The following KAT6A variants were observed in gnomAD, a reference collection of about 807,000 sequenced individuals.
The protein encoded by KAT6A is lysine acetyltransferase 6A.
In KAT6A, 9 loss-of-function variants were observed where a neutral mutation model predicts 198.4. The ratio of observed to expected loss-of-function variants is 0.05; its 90% CI spans 0.03 to 0.08. The LOEUF (loss-of-function observed/expected upper bound fraction) is 0.08. KAT6A is among the 10% of genes least tolerant of loss of function. The pLI is 1.00. For missense variants in KAT6A, 2,077 were observed against 2,509.9 expected (o/e 0.83, Z 3.69); for synonymous variants, 890 against 883.0 (o/e 1.01, Z -0.14).
At chr8:42,024,445 T>C (rs1332566412) in intron 2 of KAT6A, among the ~76,000 whole-genome samples, 2 of 152,258 alleles carry the variant, frequency 1.3e-5, no homozygotes, top group Admixed American at 1.3e-4. Flanking sequence ...TCATTTGTGT[T>C]GGTTAACACT....
intron 2 of KAT6A, among the ~76,000 whole-genome samples, chr8:42,007,216 G>C (rs1323028378): frequency 6.6e-6 from 1 of 152,090 alleles, no homozygotes; most frequent in African/African-American, 2.4e-5. Flanking sequence ...CCTCAACATA[G>C]AGTAGTGCTG....
At chr8:41,935,932 T>C (rs1263460819) in intron 16 of KAT6A, among the ~76,000 whole-genome samples, 2 of 152,260 alleles carry the variant, frequency 1.3e-5, no homozygotes, top group Admixed American at 6.5e-5. Flanking sequence ...TCATTCATGA[T>C]AGAGCAAAGA....
chr8:42,041,695 G>C (rs983835505), intron 2 of KAT6A, among the ~76,000 whole-genome samples: 3 of 151,216 alleles, frequency 2.0e-5, no homozygotes, highest in Admixed American at 2.0e-4. Flanking sequence ...CTGAAACTGG[G>C]CCACCGCACT....
At chr8:41,938,846 C>T (rs931874108) in intron 15 of KAT6A, among the ~76,000 whole-genome samples, 2 of 150,356 alleles carry the variant, frequency 1.3e-5, no homozygotes, top group African/African-American at 2.5e-5. Flanking sequence ...ATTCAAGAGG[C>T]TGAGGTGGGA....
chr8:41,957,182 T>C lies in KAT6A; in HGVS notation c.1483-1771A>G, dbSNP rs373397123. ...GCACATCACCACAACTGCGCACGTC[T>C]GTCCAGAATGGGACCTGTGGTAGGT... On this transcript the variant is annotated intron_variant, in intron 8 of 16. Transcript: ENST00000265713. 1,042 of 590,732 alleles carry C rather than the reference T, an allele frequency of 1.8e-3. 16 individuals are homozygous for C. The highest frequency in any genetic ancestry group is 0.016 in the Admixed American group (872 of 53,248). 36.6% of individuals were successfully genotyped at this position (590,732 alleles called of 1,614,324 possible). A position where few individuals can be genotyped will look rare whatever the true frequency, so the allele number is the denominator to read the frequency against.
chr8:41,975,335 G>A (rs1164039431), intron 7 of KAT6A, among the ~76,000 whole-genome samples: 1 of 152,006 alleles, frequency 6.6e-6, no homozygotes, highest in Non-Finnish European at 1.5e-5. Context: ...AATCATCTGG[G>A]TAAATATGAA....
intron 3 of KAT6A, among the ~76,000 whole-genome samples, chr8:41,983,892 T>C (rs1163308055): frequency 2.0e-5 from 3 of 152,234 alleles, no homozygotes; most frequent in Non-Finnish European, 2.9e-5. Context: ...ACACTTTTCA[T>C]AGGCTCAACT....
At chr8:41,982,988 A>G (rs1824434930) in intron 3 of KAT6A, among the ~76,000 whole-genome samples, 1 of 152,226 alleles carries the variant, frequency 6.6e-6, no homozygotes, top group Non-Finnish European at 1.5e-5. Context: ...GTATATAATA[A>G]AAATACCATC....
intron 2 of KAT6A, among the ~76,000 whole-genome samples, chr8:41,999,576 T>C (rs1445259131): frequency 6.6e-6 from 1 of 152,188 alleles, no homozygotes; most frequent in Non-Finnish European, 1.5e-5. Flanking sequence ...TCAAAACTTA[T>C]AAAATATATC....
At chr8:42,009,409 T>A (rs1180138737) in intron 2 of KAT6A, among the ~76,000 whole-genome samples, 1 of 151,126 alleles carries the variant, frequency 6.6e-6, no homozygotes, top group Non-Finnish European at 1.5e-5. Flanking sequence ...ACAGCACCAC[T>A]GTGCTAGGTG....
intron 2 of KAT6A, among the ~76,000 whole-genome samples, chr8:42,001,641 G>A (rs770192342): frequency 1.3e-5 from 2 of 152,208 alleles, no homozygotes; most frequent in Non-Finnish European, 2.9e-5. Flanking sequence ...AGAGGGAAGA[G>A]ACACACCCAA....
At chr8:41,972,869 C>T (rs985329150) in intron 8 of KAT6A, among the ~76,000 whole-genome samples, 1 of 152,184 alleles carries the variant, frequency 6.6e-6, no homozygotes, top group African/African-American at 2.4e-5. Context: ...TTCTTTCAGT[C>T]AGGAAGAACA....
chr8:42,025,014 A>C (rs760533327), intron 2 of KAT6A, among the ~76,000 whole-genome samples: 5 of 152,152 alleles, frequency 3.3e-5, no homozygotes, highest in Non-Finnish European at 7.3e-5. Context: ...TTTTTGAGAA[A>C]TCTCCATACT....
In KAT6A at chr8:41,930,858, C is replaced by G. The variant is rs1163546895; in HGVS notation, c.*1347G>C. The G allele has an allele frequency of 4.8e-6, 1 of 207,750 alleles. No homozygotes were observed. Among genetic ancestry groups the G allele is most frequent in the African/African-American group, 2.3e-5 (1 of 43,144 alleles). 12.9% of individuals were successfully genotyped at this position (207,750 alleles called of 1,614,324 possible). A position where few individuals can be genotyped will look rare whatever the true frequency, so the allele number is the denominator to read the frequency against. On this transcript the variant is annotated 3_prime_UTR_variant, in exon 17 of 17. Coordinates refer to ENST00000265713, the MANE Select transcript of KAT6A (RefSeq NM_006766.5). ...ACACATGAACTTGCGTTATAACATT[C>G]TGCTGTCCAGATCTGCCCTACTGTG...
chr8:41,992,449 T>C (rs1824994149), intron 2 of KAT6A, among the ~76,000 whole-genome samples: 1 of 152,186 alleles, frequency 6.6e-6, no homozygotes, highest in Admixed American at 6.5e-5. Context: ...ACAAATGTAA[T>C]AAAAGAGATT....
rs1473094628 is a variant in KAT6A at position 41,934,250 on chromosome 8, G to C, written c.3970C>G (p.Leu1324Val). 1.9e-6 allele frequency: 3 copies of C among 1,613,984 alleles called. 1 individual carries two copies. The highest frequency in any genetic ancestry group is 3.3e-5 in the Admixed American group (2 of 59,990). ...HDADDEDDGH[L>V]ESTKKKELEE... ...AGCTCCTTTTTCTTTGTGGACTCCA[G>C]GTGGCCATCATCCTCATCATCAGCG... Residue 1324 changes from leucine (L) to valine (V), a missense_variant, in exon 17 of 17, where the codon CTG becomes GTG. This residue lies in a region of KAT6A where 375 missense variants were observed against 383.0 expected (regional missense o/e 0.98). Transcript: ENST00000265713.
intron 12 of KAT6A, among the ~76,000 whole-genome samples, chr8:41,945,620 GTA>G (rs1354849032): frequency 1.3e-5 from 2 of 151,942 alleles, no homozygotes; most frequent in East Asian, 3.9e-4. Context: ...AATGTTTTTA[GTA>G]TTATTAGTAT....
chr8:41,941,356 C>G lies in KAT6A; in HGVS notation c.2525G>C (p.Ser842Thr), dbSNP rs1271072466. 4 of 1,612,442 alleles carry G rather than the reference C, an allele frequency of 2.5e-6. No homozygotes were observed. The highest frequency in any genetic ancestry group is 3.3e-5 in the Admixed American group (2 of 60,010). ...EKKPEVMAPV[S>T]STRLSKQVLP... ...GACTTGTTTGCTCAAACGTGTAGAA[C>G]TGACTGGAGCCATAACTTCTGGTTT... The change falls in exon 15 of 17, where the codon AGT becomes ACT. Residue 842 changes from serine (S) to threonine (T), a missense_variant. Coordinates refer to ENST00000265713, the MANE Select transcript of KAT6A (RefSeq NM_006766.5).
chr8:42,042,579 TAA>T (rs1827719335), intron 2 of KAT6A, among the ~76,000 whole-genome samples: 1 of 152,174 alleles, frequency 6.6e-6, no homozygotes, highest in African/African-American at 2.4e-5. Context: ...TGGACTCTAC[TAA>T]GAGTTGACCA....
Sources: allele counts gnomAD v4.1 joint callset (sites outside exome capture counted in the v4.1 genomes callset), GRCh38; gene constraint gnomAD v4.1.1; regional missense constraint gnomAD v4.1.1; transcripts MANE v1.5; gene names NCBI Gene and HGNC (gene_info 2026-07-23, HGNC 2026-07-21).